LMO7: variants seen among roughly 807,000 people sequenced by gnomAD.
LMO7 encodes LIM domain only protein 7.
In LMO7, 120 loss-of-function variants were observed where a neutral mutation model predicts 206.5. The ratio of observed to expected loss-of-function variants is 0.58; its 90% CI spans 0.50 to 0.68. The LOEUF is 0.68. LMO7 is among the 30% of genes least tolerant of loss of function. LMO7 has a pLI of 0.00. For missense variants in LMO7, 1,959 were observed against 1,957.9 expected, an observed-to-expected ratio of 1.00 and a Z score of -0.01; for synonymous variants, 706 against 681.5, an observed-to-expected ratio of 1.04 and a Z score of -0.56.
intron 3 of LMO7, among the ~76,000 whole-genome samples, chr13:75,756,694 G>A (rs1054715287): frequency 3.9e-5 from 6 of 152,274 alleles, no homozygotes; most frequent in African/African-American, 1.4e-4. Flanking sequence ...TGCATGTTGG[G>A]AGTGTGGGAG....
In LMO7 at chr13:75,819,344, G is replaced by C. The variant is rs760763218; in HGVS notation, c.2065-49G>C. The C allele has an allele frequency of 2.0e-5, 31 of 1,537,662 alleles. No individual in the cohort carries two copies. In the South Asian group the frequency reaches 3.6e-4, roughly 18 times the overall value. ...CTGGCACATTCTGTCTGCTAGAAAG[G>C]GTGTATAGAAATTCAGGTGTGCCCC... On this transcript the variant is annotated intron_variant, in intron 12 of 30. Coordinates refer to ENST00000377534, the MANE Select transcript of LMO7 (RefSeq NM_001306080.2).
chr13:75,706,270 G>GT (rs1359090412), intron 1 of LMO7, among the ~76,000 whole-genome samples: 4 of 152,160 alleles, frequency 2.6e-5, no homozygotes, highest in African/African-American at 9.7e-5. Flanking sequence ...TGACCTTAAG[G>GT]TAAGTAGCTG....
chr13:75,835,414 T>A (rs540322920), intron 18 of LMO7, 75 bp downstream of exon 18: 2 of 914,032 alleles, frequency 2.2e-6, no homozygotes, highest in African/African-American at 3.4e-5. Context: ...AAGAAAATAA[T>A]TTCTTTTGTT....
chr13:75,752,368 G>A (rs1339073763), intron 3 of LMO7, among the ~76,000 whole-genome samples: 1 of 151,988 alleles, frequency 6.6e-6, no homozygotes, highest in Non-Finnish European at 1.5e-5. Context: ...CCTGACCTCA[G>A]GTGATCCACC....
intron 1 of LMO7, among the ~76,000 whole-genome samples, chr13:75,676,529 G>C (rs971694045): frequency 6.6e-6 from 1 of 152,128 alleles, no homozygotes; most frequent in Non-Finnish European, 1.5e-5. Context: ...AATTTGTTAG[G>C]TGTTGATTCT....
intron 4 of LMO7, among the ~76,000 whole-genome samples, chr13:75,773,656 G>T (rs2050026071): frequency 6.6e-6 from 1 of 152,174 alleles, no homozygotes; most frequent in South Asian, 2.1e-4. Flanking sequence ...ACCATTAAAA[G>T]AAACAGAAAA....
At chr13:75,856,720 T>A in intron 30 of LMO7, 112 bp downstream of exon 30, 2 of 698,160 alleles carry the variant, frequency 2.9e-6, no homozygotes. Context: ...GCCATAGGAT[T>A]CCAGGTTTCA....
At chr13:75,694,765 CA>C (rs1446872148) in intron 1 of LMO7, among the ~76,000 whole-genome samples, 1 of 152,052 alleles carries the variant, frequency 6.6e-6, no homozygotes, top group African/African-American at 2.4e-5. Flanking sequence ...AAGGGCACTC[CA>C]GGGCAAATGC....
chr13:75,807,525 C>A lies in LMO7; in HGVS notation c.1242C>A (p.Ile414=). ...LQALQTYSDD[I]LSSETHTKID... is the part of the protein sequence containing the mutation. ...CCCTCCAAACATACTCTGATGACAT[C>A]TTGTCTTCTGAAACACATACCAAAA... The change falls in exon 10 of 31, where the codon ATC becomes ATA. Residue 414 remains isoleucine (I), a synonymous_variant. Transcript: ENST00000377534. 1 of 1,613,746 alleles carries A rather than the reference C, an allele frequency of 6.2e-7. No homozygotes were observed. The highest frequency in any genetic ancestry group is 8.5e-7 in the Non-Finnish European group (1 of 1,179,792).
intron 1 of LMO7, among the ~76,000 whole-genome samples, chr13:75,688,235 G>C (rs1166427802): frequency 6.6e-6 from 1 of 152,144 alleles, no homozygotes; most frequent in Admixed American, 6.5e-5. Flanking sequence ...GGTGTAAGAA[G>C]CTCAATGGCT....
chr13:75,689,366 T>A (rs998031391), intron 1 of LMO7, among the ~76,000 whole-genome samples: 1 of 152,192 alleles, frequency 6.6e-6, no homozygotes, highest in Non-Finnish European at 1.5e-5. Flanking sequence ...CTGGGTAGGA[T>A]TTCCAGGAAC....
chr13:75,771,349 G>C (rs938348845), intron 4 of LMO7, among the ~76,000 whole-genome samples: 3 of 152,020 alleles, frequency 2.0e-5, no homozygotes, highest in African/African-American at 7.2e-5. Context: ...TTTGATAAGT[G>C]TATGTAGATG....
At chr13:75,650,706 T>C (rs952163569) in intron 1 of LMO7, among the ~76,000 whole-genome samples, 1 of 152,234 alleles carries the variant, frequency 6.6e-6, no homozygotes, top group African/African-American at 2.4e-5. Flanking sequence ...GTATTAAGTT[T>C]CTTCTTTTCA....
chr13:75,758,465 T>G (rs2047870328), intron 3 of LMO7, among the ~76,000 whole-genome samples: 1 of 152,228 alleles, frequency 6.6e-6, no homozygotes, highest in Non-Finnish European at 1.5e-5. Context: ...CATGTGTGAC[T>G]TTGTTTACAA....
chr13:75,810,000 T>A (rs775441476), intron 11 of LMO7, among the ~76,000 whole-genome samples: 2 of 151,994 alleles, frequency 1.3e-5, no homozygotes, highest in Non-Finnish European at 2.9e-5. Flanking sequence ...CTCTGCTAAT[T>A]TTTGTATTTT....
chr13:75,704,637 A>G (rs2137956997), intron 1 of LMO7, among the ~76,000 whole-genome samples: 1 of 152,332 alleles, frequency 6.6e-6, no homozygotes, highest in South Asian at 2.1e-4. Flanking sequence ...GTTAAACGAG[A>G]GAAGTGCCTG....
intron 1 of LMO7, among the ~76,000 whole-genome samples, chr13:75,681,232 T>G (rs1446564141): frequency 1.3e-5 from 2 of 152,222 alleles, no homozygotes; most frequent in East Asian, 3.8e-4. Context: ...ATGAAATCTT[T>G]GCCCATGTCT....
At chr13:75,789,135 C>T (rs1438204562) in intron 4 of LMO7, 2 of 152,034 alleles carry the variant, frequency 1.3e-5, no homozygotes, top group Non-Finnish European at 2.9e-5. Flanking sequence ...GATAAATCTT[C>T]CCCCGGGGAT....
intron 11 of LMO7, among the ~76,000 whole-genome samples, chr13:75,812,740 C>T (rs2056543235): frequency 6.6e-6 from 1 of 152,150 alleles, no homozygotes; most frequent in South Asian, 2.1e-4. Context: ...TTAAAAAATT[C>T]TATTCAACAG....
Sources: gnomAD v4.1 joint callset for allele counts (sites outside exome capture counted in the v4.1 genomes callset) on GRCh38, gnomAD v4.1.1 for gene constraint, MANE v1.5 for transcripts, NCBI Gene and HGNC (gene_info 2026-07-23, HGNC 2026-07-21) for gene names.